TNRC6B: variants seen among roughly 807,000 people sequenced by gnomAD.
The protein encoded by TNRC6B is trinucleotide repeat containing adaptor 6B, also known as trinucleotide repeat-containing gene 6B protein.
A neutral mutation model predicts 203.6 loss-of-function variants in TNRC6B; 52 were observed. That is an observed-to-expected ratio of 0.26 (90% CI 0.20 to 0.32). TNRC6B has a LOEUF of 0.32. Ranked by LOEUF, TNRC6B falls within the 10% of genes least tolerant of loss-of-function variation. TNRC6B has a pLI of 1.00. For missense variants in TNRC6B, 1,923 were observed against 2,286.2 expected (o/e 0.84, Z 3.24); for synonymous variants, 838 against 845.7 (o/e 0.99, Z 0.16).
intron 6 of TNRC6B, 71 bp from the exon 7 acceptor site, chr22:40,273,354 G>A: frequency 7.3e-7 from 1 of 1,378,982 alleles, no homozygotes; most frequent in Non-Finnish European, 9.7e-7. Flanking sequence ...TGCTGCATCT[G>A]CAAGGAATTA....
At chr22:40,283,074 C>T (rs907375967) in intron 11 of TNRC6B, among the ~76,000 whole-genome samples, 5 of 151,888 alleles carry the variant, frequency 3.3e-5, no homozygotes, top group African/African-American at 9.7e-5. Context: ...TTGCCTCTGT[C>T]GCCCAGGCTG....
At chr22:40,161,658 T>C (rs1049305563) in intron 4 of TNRC6B, among the ~76,000 whole-genome samples, 3 of 152,250 alleles carry the variant, frequency 2.0e-5, no homozygotes, top group African/African-American at 4.8e-5. Context: ...ATTAATATTC[T>C]AGATCAGTTG....
intron 1 of TNRC6B, among the ~76,000 whole-genome samples, chr22:40,045,157 C>T (rs2067675847): frequency 6.9e-6 from 1 of 144,364 alleles, no homozygotes; most frequent in Non-Finnish European, 1.5e-5. Context: ...CGCGAGGGAG[C>T]GCGCGTGGGG....
chr22:40,259,890 G>A (rs186365397), intron 3 of TNRC6B, among the ~76,000 whole-genome samples: 2 of 152,188 alleles, frequency 1.3e-5, no homozygotes, highest in African/African-American at 2.4e-5. Context: ...AGAATCATCC[G>A]AACTGTCAGG....
intron 1 of TNRC6B, among the ~76,000 whole-genome samples, chr22:40,075,156 A>ATATTTTTTTTTTTTTT: frequency 2.8e-5 from 1 of 35,558 alleles, no homozygotes; most frequent in Non-Finnish European, 5.2e-5. Context: ...ATATATATAT[A>ATATTTTTTTTTTTTTT]TTTTTTTTTT....
At chr22:40,086,341 A>G (rs1156568304) in intron 1 of TNRC6B, among the ~76,000 whole-genome samples, 1 of 152,216 alleles carries the variant, frequency 6.6e-6, no homozygotes, top group Admixed American at 6.5e-5. Context: ...TTATTTCATT[A>G]TGAACTGATG....
At chr22:40,081,317 T>G (rs5995809) in intron 1 of TNRC6B, among the ~76,000 whole-genome samples, 1 of 147,050 alleles carries the variant, frequency 6.8e-6, no homozygotes, top group African/African-American at 2.7e-5. Context: ...GTTTTTTTTT[T>G]TTTTTTTTTT....
At chr22:40,198,546 C>T (rs1182813651) in intron 1 of TNRC6B, among the ~76,000 whole-genome samples, 1 of 151,908 alleles carries the variant, frequency 6.6e-6, no homozygotes, top group Non-Finnish European at 1.5e-5. Flanking sequence ...GCATCCATTG[C>T]TTCTGGGATG....
intron 3 of TNRC6B, among the ~76,000 whole-genome samples, chr22:40,256,334 C>T (rs1244658661): frequency 6.6e-6 from 1 of 152,132 alleles, no homozygotes; most frequent in Non-Finnish European, 1.5e-5. Flanking sequence ...ACCCTATTGT[C>T]ACATTGATTT....
chr22:40,111,784 CA>C (rs1601821125), intron 1 of TNRC6B, among the ~76,000 whole-genome samples: 1 of 152,126 alleles, frequency 6.6e-6, no homozygotes, highest in African/African-American at 2.4e-5. Flanking sequence ...CATCAAGATC[CA>C]GGGGGAAGCT....
intron 1 of TNRC6B, among the ~76,000 whole-genome samples, chr22:40,094,480 A>C (rs79325323): frequency 2.0e-5 from 3 of 152,190 alleles, no homozygotes; most frequent in Admixed American, 6.5e-5. Context: ...TATTTAAAAA[A>C]ACAAAAACAG....
chr22:40,226,044 T>C (rs924902529), intron 1 of TNRC6B, among the ~76,000 whole-genome samples: 1 of 152,234 alleles, frequency 6.6e-6, no homozygotes, highest in African/African-American at 2.4e-5. Context: ...TGGTGTATAA[T>C]TTTAGTTGAA....
chr22:40,113,494 A>G (rs2068359480), intron 1 of TNRC6B, among the ~76,000 whole-genome samples: 1 of 152,086 alleles, frequency 6.6e-6, no homozygotes, highest in African/African-American at 2.4e-5. Flanking sequence ...AGGTGGGACT[A>G]CAGGTGCATA....
chr22:40,189,512 A>C (rs1209952837), intron 1 of TNRC6B, among the ~76,000 whole-genome samples: 8 of 152,226 alleles, frequency 5.3e-5, no homozygotes, highest in African/African-American at 1.9e-4. Flanking sequence ...AAAAAAAAAA[A>C]AAAGAGGTTT....
At chr22:40,190,989 A>G (rs993319925) in intron 1 of TNRC6B, among the ~76,000 whole-genome samples, 3 of 152,248 alleles carry the variant, frequency 2.0e-5, no homozygotes, top group African/African-American at 7.2e-5. Context: ...GAACTCAACC[A>G]GTAATGCAAA....
At chr22:40,273,013 A>G (rs530186702) in intron 6 of TNRC6B, among the ~76,000 whole-genome samples, 1 of 152,246 alleles carries the variant, frequency 6.6e-6, no homozygotes, top group African/African-American at 2.4e-5. Flanking sequence ...TATAGTGTCC[A>G]TTGTATATAA....
At chr22:40,117,172 T>C (rs2068394995) in intron 2 of TNRC6B, 1 of 152,632 alleles carries the variant, frequency 6.6e-6, no homozygotes, top group Admixed American at 6.5e-5. Flanking sequence ...GGCAATAGTC[T>C]TCTTAAAAAG....
chr22:40,225,960 A>T (rs1263327137), intron 1 of TNRC6B, among the ~76,000 whole-genome samples: 1 of 152,194 alleles, frequency 6.6e-6, no homozygotes, highest in African/African-American at 2.4e-5. Flanking sequence ...AGTTAAACAC[A>T]GGTAAATGTT....
At chr22:40,208,747 A>G (rs1016858438) in intron 1 of TNRC6B, among the ~76,000 whole-genome samples, 6 of 152,236 alleles carry the variant, frequency 3.9e-5, no homozygotes, top group African/African-American at 1.4e-4. Context: ...ATTTTTCTCC[A>G]GAAGTTTTAT....
Sources: gnomAD v4.1 joint callset for allele counts (sites outside exome capture counted in the v4.1 genomes callset) on GRCh38, gnomAD v4.1.1 for gene constraint, MANE v1.5 for transcripts, NCBI Gene and HGNC (gene_info 2026-07-23, HGNC 2026-07-21) for gene names.